The following EEFSEC variants were observed in gnomAD, a reference collection of about 807,000 sequenced individuals.
The protein encoded by EEFSEC is eukaryotic elongation factor, selenocysteine-tRNA specific.
In EEFSEC, 43 loss-of-function variants were observed where a neutral mutation model predicts 42.1. The observed-to-expected ratio is 1.02, with a 90% CI of 0.80 to 1.32. EEFSEC has a LOEUF of 1.32. EEFSEC is among the 40% of genes most tolerant of loss of function. EEFSEC has a pLI of 0.00. For synonymous variants in EEFSEC, 354 were observed against 339.1 expected, an observed-to-expected ratio of 1.04 and a Z score of -0.48; for missense variants, 745 against 803.6, an observed-to-expected ratio of 0.93 and a Z score of 0.88.
chr3:128,264,278 G>C (rs1196302478), intron 3 of EEFSEC, among the ~76,000 whole-genome samples: 2 of 152,206 alleles, frequency 1.3e-5, no homozygotes, highest in Admixed American at 6.5e-5. Flanking sequence ...GGAGCAATGC[G>C]ACAGGGTGTC....
At chr3:128,201,887 G>C (rs2065647319) in intron 1 of EEFSEC, among the ~76,000 whole-genome samples, 1 of 152,208 alleles carries the variant, frequency 6.6e-6, no homozygotes, top group Non-Finnish European at 1.5e-5. Flanking sequence ...TATGTGGTGT[G>C]AGATGGGGGT....
chr3:128,304,158 A>C (rs2066801692), intron 4 of EEFSEC, among the ~76,000 whole-genome samples: 1 of 149,834 alleles, frequency 6.7e-6, no homozygotes, highest in Admixed American at 6.6e-5. Context: ...GAGTGTCTGT[A>C]GCTACTGGTG....
chr3:128,257,353 C>T (rs2066251503), intron 2 of EEFSEC, among the ~76,000 whole-genome samples: 1 of 152,200 alleles, frequency 6.6e-6, no homozygotes. Context: ...CAGATGCTCT[C>T]CAGAGGGGCT....
chr3:128,227,686 G>A (rs2065921833), intron 1 of EEFSEC, among the ~76,000 whole-genome samples: 1 of 152,182 alleles, frequency 6.6e-6, no homozygotes. Flanking sequence ...GAGGAGTCTG[G>A]GTCCGGGGGT....
downstream of EEFSEC, among the ~76,000 whole-genome samples, chr3:128,411,894 T>A (rs1485397792): frequency 6.6e-6 from 1 of 152,222 alleles, no homozygotes; most frequent in Non-Finnish European, 1.5e-5. Flanking sequence ...CGGGCTTTGG[T>A]GCACCAGGCA....
intron 5 of EEFSEC, among the ~76,000 whole-genome samples, chr3:128,345,575 T>C (rs1348984466): frequency 6.6e-6 from 1 of 152,250 alleles, no homozygotes; most frequent in Non-Finnish European, 1.5e-5. Context: ...TCAGAGAATC[T>C]TGAAAAGGTG....
chr3:128,268,548 C>A (rs1340142719), intron 4 of EEFSEC, among the ~76,000 whole-genome samples: 2 of 152,066 alleles, frequency 1.3e-5, no homozygotes, highest in East Asian at 3.9e-4. Context: ...GAATAAGGGT[C>A]TTGCAGATGT....
chr3:128,239,956 A>G (rs2066052967), intron 1 of EEFSEC, among the ~76,000 whole-genome samples: 1 of 152,212 alleles, frequency 6.6e-6, no homozygotes, highest in African/African-American at 2.4e-5. Flanking sequence ...CACCTCCTGC[A>G]GTCGATGGAG....
intron 1 of EEFSEC, among the ~76,000 whole-genome samples, chr3:128,246,335 A>G (rs1329519380): frequency 6.6e-6 from 1 of 152,238 alleles, no homozygotes; most frequent in African/African-American, 2.4e-5. Context: ...ACTGAGCCGT[A>G]GCACTGTGAG....
At chr3:128,300,912 T>G (rs2066760206) in intron 4 of EEFSEC, among the ~76,000 whole-genome samples, 1 of 112,302 alleles carries the variant, frequency 8.9e-6, no homozygotes, top group Non-Finnish European at 2.3e-5. Flanking sequence ...TGTTCTATGC[T>G]TGGGTATTTT....
chr3:128,207,944 G>C (rs928614095), intron 1 of EEFSEC, among the ~76,000 whole-genome samples: 3 of 152,298 alleles, frequency 2.0e-5, no homozygotes, highest in East Asian at 1.9e-4. Context: ...GTTCTGACAG[G>C]GGGTGCTAGG....
At chr3:128,222,129 G>T (rs930771748) in intron 1 of EEFSEC, among the ~76,000 whole-genome samples, 9 of 151,434 alleles carry the variant, frequency 5.9e-5, no homozygotes, top group African/African-American at 1.9e-4. Context: ...CCCCTCCGGG[G>T]TTCAAGCGAT....
At chr3:128,234,163 G>A (rs951408759) in intron 1 of EEFSEC, among the ~76,000 whole-genome samples, 11 of 151,570 alleles carry the variant, frequency 7.3e-5, no homozygotes, top group African/African-American at 9.7e-5. Flanking sequence ...AGCAATTCTC[G>A]TGCCTCAGCC....
intron 1 of EEFSEC, among the ~76,000 whole-genome samples, chr3:128,218,706 C>T (rs1325901416): frequency 2.0e-5 from 3 of 152,142 alleles, no homozygotes; most frequent in Non-Finnish European, 2.9e-5. Context: ...CTGGAGCTGA[C>T]GGGCTAGTAA....
intron 5 of EEFSEC, among the ~76,000 whole-genome samples, chr3:128,350,556 C>G (rs1303652240): frequency 6.6e-6 from 1 of 152,198 alleles, no homozygotes; most frequent in African/African-American, 2.4e-5. Flanking sequence ...TGGTCCCAGC[C>G]CAAATCCTCA....
downstream of EEFSEC, among the ~76,000 whole-genome samples, chr3:128,411,175 G>A (rs935124255): frequency 5.3e-5 from 8 of 152,238 alleles, no homozygotes; most frequent in South Asian, 1.2e-3. Context: ...GCCAGCACCC[G>A]CTTCTGGCTG....
chr3:128,394,001 G>C (rs527843215), intron 6 of EEFSEC, among the ~76,000 whole-genome samples: 1 of 152,062 alleles, frequency 6.6e-6, no homozygotes, highest in Admixed American at 6.5e-5. Context: ...GGGCATTCCA[G>C]TGGGGCGGTG....
intron 1 of EEFSEC, among the ~76,000 whole-genome samples, chr3:128,216,778 A>C (rs568108046): frequency 3.3e-5 from 5 of 152,354 alleles, no homozygotes; most frequent in African/African-American, 1.2e-4. Context: ...CTCTTGGGAC[A>C]GATCTCCGTG....
At chr3:128,372,431 C>T (rs1230237577) in intron 6 of EEFSEC, among the ~76,000 whole-genome samples, 1 of 152,198 alleles carries the variant, frequency 6.6e-6, no homozygotes, top group Non-Finnish European at 1.5e-5. Context: ...CAGCAGGAAA[C>T]TCCCTGCCCC....
Sources: allele counts gnomAD v4.1 joint callset (sites outside exome capture counted in the v4.1 genomes callset), GRCh38; gene constraint gnomAD v4.1.1; transcripts MANE v1.5; gene names NCBI Gene and HGNC (gene_info 2026-07-23, HGNC 2026-07-21).